Variants in GSE1 observed in about 807,000 individuals in gnomAD.
GSE1 encodes the protein Gse1 coiled-coil protein.
In GSE1, 32 loss-of-function variants were observed where a neutral mutation model predicts 112.6. The ratio of observed to expected loss-of-function variants is 0.28; its 90% CI spans 0.21 to 0.38. The LOEUF (loss-of-function observed/expected upper bound fraction) is 0.38. Ranked by LOEUF, GSE1 falls within the 10% of genes least tolerant of loss-of-function variation. The pLI, the probability that GSE1 is intolerant of heterozygous loss-of-function variation, is 1.00. For synonymous variants in GSE1, 1,115 were observed against 735.6 expected, an observed-to-expected ratio of 1.52 and a Z score of -8.35; for missense variants, 2,348 against 1,699.2, an observed-to-expected ratio of 1.38 and a Z score of -6.71.
At chr16:85,447,077 G>A (rs2049536604) in intron 2 of GSE1, among the ~76,000 whole-genome samples, 1 of 152,198 alleles carries the variant, frequency 6.6e-6, no homozygotes, top group Admixed American at 6.5e-5. Context: ...CAGTGACCCT[G>A]CTCGGGCCTC....
chr16:85,256,116 C>G (rs762918997), intron 1 of GSE1, among the ~76,000 whole-genome samples: 2 of 151,714 alleles, frequency 1.3e-5, no homozygotes, highest in Non-Finnish European at 2.9e-5. Flanking sequence ...GAAACAGTGC[C>G]GGTTTTTCTG....
intron 2 of GSE1, among the ~76,000 whole-genome samples, chr16:85,482,789 C>T (rs1435850082): frequency 6.6e-6 from 1 of 152,166 alleles, no homozygotes; most frequent in Non-Finnish European, 1.5e-5. Context: ...ACCAGCCTGA[C>T]CAACATGGCG....
At chr16:85,590,353 G>A (rs772630053) in intron 1 of GSE1, among the ~76,000 whole-genome samples, 1 of 150,714 alleles carries the variant, frequency 6.6e-6, no homozygotes, top group African/African-American at 2.5e-5. Flanking sequence ...GCGTGGGCCT[G>A]CTTGTGAATG....
At position 85,416,003 on chromosome 16, in the gene GSE1, C is replaced by T. The variant is rs551305572; in HGVS notation, c.2464+58360C>T. On this transcript the variant is annotated intron_variant, in intron 2 of 2. Coordinates refer to the GSE1 transcript ENST00000637419. ...ATACACTTTATTTATGGCTCACCATCGCGGCACTGTGGGCAGGAGAATGCA... is the reference window on the plus strand; with the variant it reads ...ATACACTTTATTTATGGCTCACCATTGCGGCACTGTGGGCAGGAGAATGCA... Among the ~76,000 whole-genome samples, 193 of 152,292 alleles carry T rather than the reference C, an allele frequency of 1.3e-3. 2 individuals are homozygous for T. The highest frequency in any genetic ancestry group is 4.5e-3 in the African/African-American group (186 of 41,548).
At chr16:85,451,358 C>T (rs1443074699) in intron 2 of GSE1, among the ~76,000 whole-genome samples, 1 of 152,228 alleles carries the variant, frequency 6.6e-6, no homozygotes, top group African/African-American at 2.4e-5. Flanking sequence ...AGTACAAAGA[C>T]TCCTGTGCTG....
intron 1 of GSE1, among the ~76,000 whole-genome samples, chr16:85,347,141 T>A (rs985532469): frequency 6.6e-6 from 1 of 152,038 alleles, no homozygotes. Context: ...CACCCAGGTC[T>A]AGCCGGAGGC....
chr16:85,661,179 T>G lies in GSE1; in HGVS notation c.1674T>G (p.Arg558=), dbSNP rs752810947. 1.3e-6 allele frequency: 2 copies of G among 1,597,662 alleles called. No homozygotes were observed. The highest frequency in any genetic ancestry group is 1.7e-6 in the Non-Finnish European group (2 of 1,167,948). ...PGPNRHEPGG[R]DPPQHFGGPP... is the part of the protein sequence containing the mutation. ...CAAACCGTCACGAGCCAGGTGGCCG[T>G]GACCCTCCGCAGCACTTTGGGGGGC... The change falls in exon 9 of 16, where the codon CGT becomes CGG. Residue 558 remains arginine, a synonymous_variant. Coordinates refer to ENST00000253458, the MANE Select transcript of GSE1 (RefSeq NM_014615.5).
At chr16:85,531,811 C>T (rs1480982119) in intron 2 of GSE1, among the ~76,000 whole-genome samples, 1 of 152,194 alleles carries the variant, frequency 6.6e-6, no homozygotes, top group East Asian at 1.9e-4. Context: ...GGGCGCAGGA[C>T]AGGAAAAGGA....
chr16:85,193,567 C>T (rs1162949289), intron 1 of GSE1, among the ~76,000 whole-genome samples: 1 of 152,184 alleles, frequency 6.6e-6, no homozygotes, highest in Non-Finnish European at 1.5e-5. Context: ...TCAAGCGATT[C>T]TCCTGCCTCA....
Position 85,565,394 on chromosome 16 carries a change from C to CAAAAAAA in GSE1, c.37+9036_37+9042dup, listed in dbSNP as rs36033236. Among the ~76,000 whole-genome samples, 35 of 119,436 alleles carry CAAAAAAA rather than the reference C, an allele frequency of 2.9e-4. 1 individual carries two copies. The highest frequency in any genetic ancestry group is 1.2e-3 in the African/African-American group (34 of 28,920). The allele number at this position is 119,436 out of a possible 152,430, so 78.4% of individuals were successfully genotyped here. On this transcript the variant is annotated intron_variant, in intron 1 of 2. Transcript: ENST00000635906. Reference sequence around the variant, plus strand: ...TGACAGAGCGAGTGAGACTCTGTCTCAAAAAAAAAAACAAAAAAAAACAAA... The same window carrying CAAAAAAA: ...TGACAGAGCGAGTGAGACTCTGTCTCAAAAAAAAAAAAAAAAAACAAAAAAAAACAAA...
At chr16:85,636,504 T>C (rs1335543310) in intron 2 of GSE1, among the ~76,000 whole-genome samples, 1 of 152,202 alleles carries the variant, frequency 6.6e-6, no homozygotes, top group Non-Finnish European at 1.5e-5. Flanking sequence ...TCAGTGCACC[T>C]GGTCCCCATT....
chr16:85,317,435 C>T (rs1244420616), intron 1 of GSE1, among the ~76,000 whole-genome samples: 2 of 152,146 alleles, frequency 1.3e-5, no homozygotes, highest in African/African-American at 4.8e-5. Flanking sequence ...CCTCAGCCAG[C>T]AGCCCCAGGA....
intron 1 of GSE1, among the ~76,000 whole-genome samples, chr16:85,565,881 C>T (rs898275096): frequency 7.9e-5 from 12 of 152,204 alleles, no homozygotes; most frequent in Non-Finnish European, 1.8e-4. Flanking sequence ...GGTGTCCTTG[C>T]CAGTCTTCTG....
intron 3 of GSE1, 64 bp from the exon 4 acceptor site, chr16:85,654,214 C>A: frequency 6.9e-7 from 1 of 1,446,262 alleles, no homozygotes; most frequent in Non-Finnish European, 9.4e-7. Context: ...GGAGACCTGG[C>A]TGTGTCCTGT....
intron 1 of GSE1, among the ~76,000 whole-genome samples, chr16:85,205,915 A>G (rs996345112): frequency 6.6e-6 from 1 of 152,198 alleles, no homozygotes; most frequent in African/African-American, 2.4e-5. Context: ...TGCCTGCAAG[A>G]CAGAAACGTG....
intron 11 of GSE1, among the ~76,000 whole-genome samples, chr16:85,663,879 G>A (rs188190927): frequency 6.6e-6 from 1 of 152,394 alleles, no homozygotes; most frequent in African/African-American, 2.4e-5. Flanking sequence ...CAGCGCCCGA[G>A]AAGGCGCTCT....
chr16:85,225,045 C>T (rs376878315), intron 1 of GSE1, among the ~76,000 whole-genome samples: 1 of 152,102 alleles, frequency 6.6e-6, no homozygotes, highest in African/African-American at 2.4e-5. Flanking sequence ...GCAGAAGAAT[C>T]GCTTGATCCC....
chr16:85,478,355 C>T (rs962384878), intron 2 of GSE1, among the ~76,000 whole-genome samples: 14 of 151,976 alleles, frequency 9.2e-5, no homozygotes, highest in Admixed American at 7.2e-4. Context: ...GGTGAAACCC[C>T]GTCCCTACTA....
intron 1 of GSE1, among the ~76,000 whole-genome samples, chr16:85,562,066 C>T (rs538383288): frequency 6.6e-6 from 1 of 152,348 alleles, no homozygotes; most frequent in East Asian, 1.9e-4. Flanking sequence ...CCGGAGCCAC[C>T]CAAGACCCAC....
Sources: gnomAD v4.1 joint callset for allele counts (sites outside exome capture counted in the v4.1 genomes callset) on GRCh38, gnomAD v4.1.1 for gene constraint, MANE v1.5 for transcripts, NCBI Gene and HGNC (gene_info 2026-07-23, HGNC 2026-07-21) for gene names.